Variants in DNAJC27 observed in about 807,000 individuals in gnomAD.
DNAJC27 encodes the protein dnaJ homolog subfamily C member 27.
Under a neutral mutation model 31.4 loss-of-function variants are expected in DNAJC27, and 25 were observed. The ratio of observed to expected loss-of-function variants is 0.80; its 90% CI spans 0.58 to 1.11. DNAJC27 has a LOEUF of 1.11. Among genes scored for constraint, DNAJC27 ranks in the 50% most tolerant of loss-of-function variants. DNAJC27 has a pLI of 0.00. For synonymous variants in DNAJC27, 106 were observed against 112.7 expected (o/e 0.94, Z 0.37); for missense variants, 356 against 347.3 (o/e 1.02, Z -0.20).
At chr2:24,972,083 G>C, upstream of DNAJC27, 1 of 501,578 alleles carries the variant, frequency 2.0e-6, no homozygotes, top group Non-Finnish European at 3.5e-6. Context: ...TGGGGAGCCG[G>C]GGGAGGGAGA....
rs1666207770 is a variant in DNAJC27, at chr2:24,967,235, A to G, written c.146T>C (p.Ile49Thr). The G allele has an allele frequency of 3.1e-6, 5 of 1,613,730 alleles. No homozygotes were observed. The highest frequency in any genetic ancestry group is 1.1e-5 in the South Asian group (1 of 91,074). ...KRFVSKYLATIGIDYGVTKVH... is the reference protein window; with the variant it reads ...KRFVSKYLATTGIDYGVTKVH... ...CTTTGTGACTCCATAGTCAATTCCA[A>G]TTGTTGCCAGGTATTTAGACACGAA... Residue 49 changes from isoleucine (I) to threonine (T), a missense_variant, in exon 2 of 7, where the codon ATT (isoleucine) becomes ACT (threonine). Ile to Thr is a moderately conservative substitution (Grantham distance 89). Transcript: ENST00000264711.
In DNAJC27 at chr2:24,947,436, CA is replaced by C; in HGVS notation, c.*179del. ...ACGCTCAGTTCACTTCATACAAATG[CA>C]GGTCATTTCTCAGTAAAATGTCTAT... On this transcript the variant is annotated 3_prime_UTR_variant, in exon 7 of 7. Coordinates refer to ENST00000264711, the MANE Select transcript of DNAJC27 (RefSeq NM_016544.3). The C allele has an allele frequency of 1.5e-6, 1 of 649,562 alleles. No individual in the cohort carries two copies. The allele number at this position is 649,562 out of a possible 1,614,324, so 40.2% of individuals were successfully genotyped here.
At chr2:24,972,053 G>A (rs1325342580), upstream of DNAJC27, 5 of 581,252 alleles carry the variant, frequency 8.6e-6, no homozygotes, top group Admixed American at 2.0e-4. Context: ...CCTGGCAGCA[G>A]GCGCGGGCGG....
chr2:24,952,815 A>C (rs1665811735), intron 5 of DNAJC27, among the ~76,000 whole-genome samples: 1 of 152,224 alleles, frequency 6.6e-6, no homozygotes, highest in African/African-American at 2.4e-5. Flanking sequence ...TATCTAATAT[A>C]GTTTGATTTG....
At chr2:24,959,172 CTT>C (rs1665981900) in intron 3 of DNAJC27, among the ~76,000 whole-genome samples, 1 of 152,202 alleles carries the variant, frequency 6.6e-6, no homozygotes, top group Non-Finnish European at 1.5e-5. Flanking sequence ...CGGGCTCTCT[CTT>C]CTTTTCTAAA....
intron 2 of DNAJC27, among the ~76,000 whole-genome samples, chr2:24,965,991 C>T (rs1666170770): frequency 6.6e-6 from 1 of 152,122 alleles, no homozygotes; most frequent in Non-Finnish European, 1.5e-5. Flanking sequence ...TAGCAGGAGA[C>T]ATTACACATA....
intron 1 of DNAJC27, chr2:24,969,052 T>C: frequency 6.0e-6 from 1 of 165,592 alleles, no homozygotes; most frequent in East Asian, 1.6e-4. Context: ...GAATTTACCA[T>C]CCTTATCCTT....
intron 4 of DNAJC27, 82 bp downstream of exon 4, chr2:24,957,728 T>G (rs1287409352): frequency 1.5e-5 from 20 of 1,310,380 alleles, no homozygotes; most frequent in Non-Finnish European, 1.8e-5. Context: ...AATAAGGAAT[T>G]TTTCTTTTCT....
rs969085993 is a variant in DNAJC27, at chr2:24,945,008, T to G, written c.*2608A>C. ...TTATTCTGCTAGCTGTTACTCTCAC[T>G]AATGTATTTTGAAATCCTAACTGGC... is the stretch of plus-strand genomic sequence containing the variant. On this transcript the variant is annotated 3_prime_UTR_variant, in exon 7 of 7. Transcript: ENST00000264711. 2 of 152,412 alleles carry G rather than the reference T, an allele frequency of 1.3e-5. No homozygotes were observed. Among genetic ancestry groups the G allele is most frequent in the Non-Finnish European group, 2.9e-5 (2 of 68,044 alleles). The allele number at this position is 152,412 out of a possible 1,614,324, so 9.4% of individuals were successfully genotyped here.
chr2:24,961,361 G>C (rs995048215), intron 3 of DNAJC27, among the ~76,000 whole-genome samples: 1 of 152,116 alleles, frequency 6.6e-6, no homozygotes, highest in African/African-American at 2.4e-5. Flanking sequence ...AGTTCTGATG[G>C]AGAAATACGA....
chr2:24,948,864 G>A (rs1665704689), intron 6 of DNAJC27, among the ~76,000 whole-genome samples: 1 of 152,192 alleles, frequency 6.6e-6, no homozygotes. Context: ...CAGGGTTCCA[G>A]TGATCCTATA....
At chr2:24,965,795 CTA>C (rs1001066619) in intron 2 of DNAJC27, among the ~76,000 whole-genome samples, 2 of 152,160 alleles carry the variant, frequency 1.3e-5, no homozygotes, top group African/African-American at 2.4e-5. Context: ...ATTCTGCTAG[CTA>C]TATGTCAAAA....
rs7593864 is a variant in DNAJC27, at chr2:24,971,872, G to A, written c.33C>T (p.Pro11=). Residue 11 remains proline (P), a synonymous_variant, in exon 1 of 7, where the codon CCC becomes CCT. Transcript: ENST00000264711. MEANMPKRKE[P]GRSLRIKVIS... is the part of the protein sequence containing the mutation. ...TGACTTTGATGCGGAGAGACCTGCC[G>A]GGCTCCTTCCGCTTCGGCATGTTGG... 0.76 allele frequency: 1,214,607 copies of A among 1,606,854 alleles called. 460,857 individuals carry two copies. Among genetic ancestry groups the A allele is most frequent in the Admixed American group, 0.84 (49,842 of 59,210 alleles).
Position 24,957,899 on chromosome 2 carries a change from C to A in DNAJC27, c.316G>T (p.Ala106Ser). 1 of 1,614,126 alleles carries A rather than the reference C, an allele frequency of 6.2e-7. No individual in the cohort carries two copies. Among genetic ancestry groups the A allele is most frequent in the Non-Finnish European group, 8.5e-7 (1 of 1,179,988 alleles). ...YDVGQKDSFD[A>S]LDAWLAEMKQ... ...ATTTCTGCCAGCCACGCATCAAGGG[C>A]GTCAAAGGAGTCTTTCTGCCCAACA... The change falls in exon 4 of 7, where the codon GCC becomes TCC. Residue 106 changes from alanine to serine, a missense_variant. Transcript: ENST00000264711.
intron 1 of DNAJC27, among the ~76,000 whole-genome samples, chr2:24,968,083 A>G (rs1666235683): frequency 6.6e-6 from 1 of 152,142 alleles, no homozygotes; most frequent in African/African-American, 2.4e-5. Flanking sequence ...TGTTAAATCA[A>G]TTGAATTGGG....
At chr2:24,957,669 T>C in intron 4 of DNAJC27, 141 bp downstream of exon 4, 1 of 826,112 alleles carries the variant, frequency 1.2e-6, no homozygotes, top group African/African-American at 1.7e-5. Context: ...GTTTTGTTTT[T>C]GTCTTAGGGA....
At position 24,957,926 on chromosome 2, in the gene DNAJC27, C is replaced by A. The variant is rs1458221586; in HGVS notation, c.289G>T (p.Asp97Tyr). Residue 97 changes from aspartate to tyrosine, a missense_variant, in exon 4 of 7, where the codon GAT becomes TAT. Transcript: ENST00000264711. ...TCAAAGGAGTCTTTCTGCCCAACATCATAGACCAGTATCACACCCTGTGTG... is the reference window on the plus strand; with the variant it reads ...TCAAAGGAGTCTTTCTGCCCAACATAATAGACCAGTATCACACCCTGTGTG... ...KDTQGVILVY[D>Y]VGQKDSFDAL... The A allele has an allele frequency of 1.9e-6, 3 of 1,614,076 alleles. No individual in the cohort carries two copies. The African/African-American group carries it at 4.0e-5, about 22-fold the overall frequency.
At position 24,967,195 on chromosome 2, in the gene DNAJC27, G is replaced by T; in HGVS notation, c.170+16C>A. 6.2e-7 allele frequency: 1 copy of T among 1,602,628 alleles called. No individual in the cohort carries two copies. The highest frequency in any genetic ancestry group is 8.5e-7 in the Non-Finnish European group (1 of 1,170,316). On this transcript the variant is annotated intron_variant, in intron 2 of 6. Coordinates refer to ENST00000264711, the MANE Select transcript of DNAJC27 (RefSeq NM_016544.3). ...CTTCTATGTAACTTACAAACCCAGG[G>T]AAACAATATACTTACTTTGTGACTC...
Position 24,957,142 on chromosome 2 carries a change from A to C in DNAJC27, c.429T>G (p.Cys143Trp). 4 of 1,606,622 alleles carry C rather than the reference A, an allele frequency of 2.5e-6. No homozygotes were observed. The highest frequency in any genetic ancestry group is 3.4e-6 in the Non-Finnish European group (4 of 1,177,848). ...ANKIDCTKHR[C>W]VDESEGRLWA... ...AAAGACGTCCTTCACTTTCATCTAC[A>C]CAGCGATGTTTGGTACAATCAATCT... Residue 143 changes from cysteine to tryptophan, a missense_variant, in exon 5 of 7, where the codon TGT becomes TGG. Physicochemically the swap from Cys to Trp is radical, Grantham distance 215. Coordinates refer to ENST00000264711, the MANE Select transcript of DNAJC27 (RefSeq NM_016544.3).
Sources: gnomAD v4.1 joint callset for allele counts (sites outside exome capture counted in the v4.1 genomes callset) on GRCh38, gnomAD v4.1.1 for gene constraint, MANE v1.5 for transcripts, NCBI Gene and HGNC (gene_info 2026-07-23, HGNC 2026-07-21) for gene names.